FRMD4A: variants seen among roughly 807,000 people sequenced by gnomAD.
FRMD4A encodes FERM domain-containing protein 4A.
Under a neutral mutation model 129.1 loss-of-function variants are expected in FRMD4A, and 29 were observed. That is an observed-to-expected ratio of 0.22 (90% CI 0.17 to 0.31). FRMD4A has a LOEUF of 0.31. FRMD4A is among the 10% of genes least tolerant of loss of function. FRMD4A has a pLI of 1.00. For missense variants in FRMD4A, 1,272 were observed against 1,375.8 expected, an observed-to-expected ratio of 0.92 and a Z score of 1.19; for synonymous variants, 634 against 571.6, an observed-to-expected ratio of 1.11 and a Z score of -1.56.
intron 2 of FRMD4A, among the ~76,000 whole-genome samples, chr10:14,172,588 G>A (rs1181517419): frequency 6.6e-6 from 1 of 152,210 alleles, no homozygotes; most frequent in Non-Finnish European, 1.5e-5. Flanking sequence ...GCACAATACT[G>A]CGATAGTTTG....
chr10:14,131,400 C>CCCCT (rs1554767037), intron 2 of FRMD4A, among the ~76,000 whole-genome samples: 7 of 150,382 alleles, frequency 4.7e-5, no homozygotes, highest in African/African-American at 1.5e-4. Context: ...CACTGTGCCC[C>CCCCT]CCCCGGCCGC....
At chr10:14,297,137 A>ATTTT (rs34998308) in intron 2 of FRMD4A, among the ~76,000 whole-genome samples, 1 of 146,916 alleles carries the variant, frequency 6.8e-6, no homozygotes. Context: ...TCTCTTTCTC[A>ATTTT]TTTTTTTTTT....
intron 2 of FRMD4A, among the ~76,000 whole-genome samples, chr10:14,093,233 T>A (rs1482732585): frequency 2.0e-5 from 3 of 152,156 alleles, no homozygotes; most frequent in African/African-American, 7.2e-5. Context: ...TTTCTTCCCC[T>A]CTGAACAAAG....
chr10:13,734,937 G>A (rs1004292956), intron 12 of FRMD4A, among the ~76,000 whole-genome samples: 2 of 151,492 alleles, frequency 1.3e-5, no homozygotes, highest in Non-Finnish European at 2.9e-5. Context: ...GCAGTGGTGC[G>A]ATCTCAGCTT....
At chr10:13,681,755 G>A (rs1013242475) in intron 15 of FRMD4A, among the ~76,000 whole-genome samples, 9 of 152,108 alleles carry the variant, frequency 5.9e-5, no homozygotes, top group Non-Finnish European at 1.0e-4. Context: ...ACCAGCTGTG[G>A]GGACTTGGGA....
chr10:14,267,309 G>C (rs1161654963), intron 2 of FRMD4A, among the ~76,000 whole-genome samples: 1 of 152,104 alleles, frequency 6.6e-6, no homozygotes, highest in African/African-American at 2.4e-5. Context: ...GAAGAAATAA[G>C]GAAAAAATAG....
chr10:13,784,934 C>T (rs565014246), intron 5 of FRMD4A, among the ~76,000 whole-genome samples: 13 of 145,048 alleles, frequency 9.0e-5, no homozygotes, highest in Admixed American at 2.2e-4. Flanking sequence ...GAGGTTGCAG[C>T]GAGCCGAGAT....
At chr10:14,260,959 G>A (rs1473023312) in intron 2 of FRMD4A, among the ~76,000 whole-genome samples, 1 of 152,184 alleles carries the variant, frequency 6.6e-6, no homozygotes, top group Non-Finnish European at 1.5e-5. Flanking sequence ...ATGGGTCTTA[G>A]TTTTTTCTCT....
chr10:14,246,807 A>C (rs552880129), intron 2 of FRMD4A, among the ~76,000 whole-genome samples: 1 of 152,218 alleles, frequency 6.6e-6, no homozygotes, highest in South Asian at 2.1e-4. Flanking sequence ...AAACGCGGAG[A>C]TAGTGAGAGA....
intron 2 of FRMD4A, among the ~76,000 whole-genome samples, chr10:14,026,162 A>G (rs1832976661): frequency 1.3e-5 from 2 of 152,194 alleles, no homozygotes; most frequent in African/African-American, 4.8e-5. Context: ...AGAGGGAAAT[A>G]TAAATATAAC....
At chr10:14,123,764 C>A (rs1250293928) in intron 2 of FRMD4A, among the ~76,000 whole-genome samples, 1 of 152,188 alleles carries the variant, frequency 6.6e-6, no homozygotes, top group Non-Finnish European at 1.5e-5. Context: ...AGTTCAAGTT[C>A]AAATATCCAT....
At chr10:13,893,778 T>C (rs2094727446) in intron 2 of FRMD4A, among the ~76,000 whole-genome samples, 1 of 152,244 alleles carries the variant, frequency 6.6e-6, no homozygotes, top group South Asian at 2.1e-4. Flanking sequence ...GCCACAGTGT[T>C]GGGATTACAG....
At chr10:14,055,845 A>G (rs911733277) in intron 2 of FRMD4A, among the ~76,000 whole-genome samples, 1 of 152,186 alleles carries the variant, frequency 6.6e-6, no homozygotes, top group Non-Finnish European at 1.5e-5. Context: ...ATGCAATTAT[A>G]GTCTTTTCGT....
intron 6 of FRMD4A, among the ~76,000 whole-genome samples, chr10:13,763,262 G>A (rs2092149142): frequency 6.6e-6 from 1 of 152,122 alleles, no homozygotes; most frequent in Non-Finnish European, 1.5e-5. Context: ...CACTGGAATA[G>A]GGATGCTTGA....
intron 2 of FRMD4A, among the ~76,000 whole-genome samples, chr10:14,027,989 A>C (rs1286779643): frequency 6.6e-6 from 1 of 152,234 alleles, no homozygotes; most frequent in Non-Finnish European, 1.5e-5. Flanking sequence ...ACCAGTGTTA[A>C]GACAGAAAAA....
intron 6 of FRMD4A, among the ~76,000 whole-genome samples, chr10:13,779,319 GAA>G (rs36067710): frequency 0.082 from 11,792 of 144,684 alleles, 625 homozygotes; most frequent in East Asian, 0.27. Flanking sequence ...CCATCTCCAA[GAA>G]AAAAAAAAAA....
chr10:13,912,513 T>C (rs556972596), intron 2 of FRMD4A, among the ~76,000 whole-genome samples: 1 of 139,348 alleles, frequency 7.2e-6, no homozygotes, highest in African/African-American at 2.6e-5. Flanking sequence ...TGTATCCACA[T>C]AATAGAATTT....
chr10:14,006,214 G>T (rs2095661679), intron 2 of FRMD4A, among the ~76,000 whole-genome samples: 1 of 152,158 alleles, frequency 6.6e-6, no homozygotes, highest in South Asian at 2.1e-4. Context: ...AGGGTGAGGT[G>T]CTACCTCACC....
intron 2 of FRMD4A, among the ~76,000 whole-genome samples, chr10:14,112,245 T>C (rs1054657614): frequency 2.0e-5 from 3 of 152,062 alleles, no homozygotes; most frequent in African/African-American, 7.2e-5. Flanking sequence ...CATGTTTGAA[T>C]TTAATTCTCT....
Sources: allele counts gnomAD v4.1 joint callset (sites outside exome capture counted in the v4.1 genomes callset), GRCh38; gene constraint gnomAD v4.1.1; transcripts MANE v1.5; gene names NCBI Gene and HGNC (gene_info 2026-07-23, HGNC 2026-07-21).